ZNF678: variants seen among roughly 807,000 people sequenced by gnomAD.
ZNF678 encodes the protein zinc finger protein 678.
Under a neutral mutation model 3.0 loss-of-function variants are expected in ZNF678, and 5 were observed. The observed-to-expected ratio is 1.69, with a 90% CI of 0.88 to 3.56. The LOEUF (loss-of-function observed/expected upper bound fraction) is 3.56, where lower values mean the gene tolerates loss of function less well. Ranked by LOEUF, ZNF678 falls within the 30% of genes most tolerant of loss-of-function variation. The pLI is 0.00. For synonymous variants in ZNF678, 218 were observed against 199.6 expected, an observed-to-expected ratio of 1.09 and a Z score of -0.78; for missense variants, 593 against 605.0, an observed-to-expected ratio of 0.98 and a Z score of 0.21.
chr1:227,615,337 TC>T (rs1350541755), intron 1 of ZNF678, among the ~76,000 whole-genome samples: 1 of 152,188 alleles, frequency 6.6e-6, no homozygotes, highest in African/African-American at 2.4e-5. Flanking sequence ...CCTTCACTGT[TC>T]CTACAGCCTA....
Position 227,567,896 on chromosome 1 carries a change from A to C in ZNF678, c.-164+4172A>C, listed in dbSNP as rs561653545. ...TATTGCAACGGGAAAAATACCAACT[A>C]TATCTGCAGTCATCTGAAATGTTAG... On this transcript the variant is annotated intron_variant, in intron 1 of 3. Coordinates refer to ENST00000343776, the MANE Select transcript of ZNF678 (RefSeq NM_001367909.1). Among the ~76,000 whole-genome samples, 3 of 152,270 alleles carry C rather than the reference A, an allele frequency of 2.0e-5. No individual in the cohort carries two copies. The East Asian group carries it at 5.8e-4, about 29-fold the overall frequency.
intron 1 of ZNF678, among the ~76,000 whole-genome samples, chr1:227,586,183 A>T (rs965002548): frequency 2.6e-5 from 4 of 151,938 alleles, no homozygotes; most frequent in African/African-American, 9.7e-5. Flanking sequence ...ACATAGGAAG[A>T]CCCCATCTCC....
chr1:227,567,696 G>T (rs560370917), intron 1 of ZNF678, among the ~76,000 whole-genome samples: 251 of 149,510 alleles, frequency 1.7e-3, no homozygotes, highest in Non-Finnish European at 2.3e-3. Context: ...TTTTTTTTTT[G>T]ATTTTTTATT....
intron 1 of ZNF678, among the ~76,000 whole-genome samples, chr1:227,607,340 T>C (rs562190223): frequency 6.6e-6 from 1 of 152,214 alleles, no homozygotes; most frequent in South Asian, 2.1e-4. Flanking sequence ...TTGTAGAAAA[T>C]AAAACAAGGC....
chr1:227,596,334 C>A (rs1038649379), intron 1 of ZNF678, among the ~76,000 whole-genome samples: 11 of 152,212 alleles, frequency 7.2e-5, no homozygotes, highest in African/African-American at 2.7e-4. Context: ...GAGGTTTATT[C>A]AACCAGGAGC....
rs201942972 is a variant in ZNF678, at chr1:227,654,888, A to G, written c.638A>G (p.Glu213Gly). 40 of 1,608,670 alleles carry G rather than the reference A, an allele frequency of 2.5e-5. No individual in the cohort carries two copies. The highest frequency in any genetic ancestry group is 1.1e-5 in the South Asian group (1 of 90,890). The change falls in exon 4 of 4, where the codon GAA (glutamate) becomes GGA (glycine). Residue 213 changes from glutamate to glycine, a missense_variant. Glu to Gly is a moderately conservative substitution (Grantham distance 98). Coordinates refer to ENST00000343776, the MANE Select transcript of ZNF678 (RefSeq NM_001367909.1). ...HSGEKPYPCE[E>G]CGKAFTQFSN... ...GGAGAGAAACCATACCCATGTGAAG[A>G]ATGTGGCAAAGCCTTTACCCAGTTC...
intron 1 of ZNF678, among the ~76,000 whole-genome samples, chr1:227,621,444 C>T (rs151033804): frequency 6.6e-4 from 100 of 152,188 alleles, no homozygotes; most frequent in African/African-American, 2.0e-3. Context: ...GGAGCTGGCC[C>T]GTCTTACAAG....
At chr1:227,644,260 C>T (rs1019681990) in intron 1 of ZNF678, among the ~76,000 whole-genome samples, 4 of 152,172 alleles carry the variant, frequency 2.6e-5, no homozygotes, top group East Asian at 3.8e-4. Flanking sequence ...TGAGACACTT[C>T]GCACCTACCT....
downstream of ZNF678, among the ~76,000 whole-genome samples, chr1:227,678,152 C>T (rs1230002847): frequency 2.0e-5 from 3 of 152,112 alleles, no homozygotes; most frequent in African/African-American, 4.8e-5. Context: ...CTAAGGCAAA[C>T]CTTAGAAATT....
chr1:227,581,844 A>G (rs1267197668), intron 1 of ZNF678, among the ~76,000 whole-genome samples: 2 of 152,200 alleles, frequency 1.3e-5, no homozygotes, highest in African/African-American at 4.8e-5. Context: ...ATGGTTTTCT[A>G]ATGTGGTCCT....
intron 1 of ZNF678, among the ~76,000 whole-genome samples, chr1:227,632,371 G>A (rs10799433): frequency 0.47 from 70,827 of 151,828 alleles, 17,376 homozygotes; most frequent in African/African-American, 0.62. Flanking sequence ...TTGGGGCTAC[G>A]CTTTCAAGAA....
chr1:227,649,453 C>T (rs1391739898), intron 2 of ZNF678, among the ~76,000 whole-genome samples: 1 of 152,178 alleles, frequency 6.6e-6, no homozygotes, highest in East Asian at 1.9e-4. Context: ...CAGGTTCAAG[C>T]AATTCTCCTG....
chr1:227,678,138 G>C (rs1659714284), downstream of ZNF678, among the ~76,000 whole-genome samples: 1 of 152,186 alleles, frequency 6.6e-6, no homozygotes, highest in South Asian at 2.1e-4. Context: ...ATATGGTAAA[G>C]GATCTAAGGC....
At chr1:227,598,501 G>GT (rs60885982) in intron 1 of ZNF678, 47 of 1,380,278 alleles carry the variant, frequency 3.4e-5, no homozygotes, top group Middle Eastern at 2.7e-4. Flanking sequence ...TTCTTTTTTT[G>GT]TTTTTTTTCT....
At chr1:227,667,357 A>G (rs1659520809), downstream of ZNF678, among the ~76,000 whole-genome samples, 1 of 152,182 alleles carries the variant, frequency 6.6e-6, no homozygotes, top group Admixed American at 6.5e-5. Context: ...AAGATAAAAA[A>G]GGTCTACTCT....
At chr1:227,677,592 A>G (rs1392714200), downstream of ZNF678, 1 of 152,250 alleles carries the variant, frequency 6.6e-6, no homozygotes, top group South Asian at 2.1e-4. Flanking sequence ...TCCCTACCCA[A>G]TCAGGTTGGC....
chr1:227,582,598 A>T (rs1657159731), intron 1 of ZNF678: 1 of 233,916 alleles, frequency 4.3e-6, no homozygotes, highest in South Asian at 4.5e-5. Context: ...CAAAGTTCTT[A>T]GATTACAGGT....
In ZNF678 at chr1:227,671,131, C is replaced by T. The variant is rs1202943533; in HGVS notation, c.227-6048C>T. On this transcript the variant is annotated intron_variant, in intron 5 of 5. Transcript: ENST00000608949. Reference sequence around the variant, plus strand: ...TCACTCTGTTGCTCAGACTGGAGTGCGGTGGTGCCATCATAGTTCACTGGA... The same window carrying T: ...TCACTCTGTTGCTCAGACTGGAGTGTGGTGGTGCCATCATAGTTCACTGGA... Among the ~76,000 whole-genome samples, 10 of 141,238 alleles carry T rather than the reference C, an allele frequency of 7.1e-5. No individual in the cohort carries two copies. The South Asian group carries it at 9.1e-4, about 13-fold the overall frequency. The allele number at this position is 141,238 out of a possible 152,430, so 92.7% of individuals were successfully genotyped here.
At chr1:227,563,915 T>C (rs1041715729) in intron 1 of ZNF678, among the ~76,000 whole-genome samples, 191 bp downstream of exon 1, 9 of 152,196 alleles carry the variant, frequency 5.9e-5, no homozygotes, top group Admixed American at 5.2e-4. Flanking sequence ...TCTGGGCGGC[T>C]ATGAAGCCGC....
Sources: gnomAD v4.1 joint callset for allele counts (sites outside exome capture counted in the v4.1 genomes callset) on GRCh38, gnomAD v4.1.1 for gene constraint, MANE v1.5 for transcripts, NCBI Gene and HGNC (gene_info 2026-07-23, HGNC 2026-07-21) for gene names.